OSBP2: variants seen among roughly 807,000 people sequenced by gnomAD.
OSBP2 encodes oxysterol binding protein 2.
OSBP2 carries 66 observed loss-of-function variants against 96.0 expected under a neutral mutation model. The ratio of observed to expected loss-of-function variants is 0.69; its 90% CI spans 0.56 to 0.84. The LOEUF (loss-of-function observed/expected upper bound fraction) is 0.84, where lower values mean the gene tolerates loss of function less well. Among genes scored for constraint, OSBP2 ranks in the 40% least tolerant of loss-of-function variants. The pLI, the probability that OSBP2 is intolerant of heterozygous loss-of-function variation, is 0.00. For synonymous variants in OSBP2, 525 were observed against 520.9 expected, an observed-to-expected ratio of 1.01 and a Z score of -0.11; for missense variants, 1,038 against 1,222.7, an observed-to-expected ratio of 0.85 and a Z score of 2.25.
At chr22:30,758,199 C>T (rs752766066) in intron 2 of OSBP2, among the ~76,000 whole-genome samples, 5 of 152,182 alleles carry the variant, frequency 3.3e-5, no homozygotes, top group South Asian at 2.1e-4. Context: ...GCCAGGAGTT[C>T]GAGACCGGCC....
intron 8 of OSBP2, 40 bp downstream of exon 8, chr22:30,891,013 A>T (rs769618573): frequency 8.9e-6 from 14 of 1,580,448 alleles, no homozygotes; most frequent in Non-Finnish European, 1.2e-5. Context: ...GCCCACCCAC[A>T]CTCTGGCCAA....
At chr22:30,808,635 G>A (rs768105850) in intron 2 of OSBP2, among the ~76,000 whole-genome samples, 2 of 152,166 alleles carry the variant, frequency 1.3e-5, no homozygotes, top group Admixed American at 6.5e-5. Flanking sequence ...AATCTAATAT[G>A]TCTGATGTCC....
intron 2 of OSBP2, among the ~76,000 whole-genome samples, chr22:30,861,944 C>T (rs553470095): frequency 3.9e-5 from 6 of 152,200 alleles, no homozygotes; most frequent in Admixed American, 6.5e-5. Context: ...ATCTTCCTCC[C>T]GTGCCACCTG....
intron 1 of OSBP2, among the ~76,000 whole-genome samples, chr22:30,730,809 A>ATATATATACT (rs1569100787): frequency 4.7e-5 from 1 of 21,268 alleles, no homozygotes; most frequent in African/African-American, 1.9e-4. Context: ...TATATATATA[A>ATATATATACT]TTTTTTTTTT....
At chr22:30,770,900 G>C (rs886713833) in intron 2 of OSBP2, among the ~76,000 whole-genome samples, 1 of 152,154 alleles carries the variant, frequency 6.6e-6, no homozygotes, top group Admixed American at 6.5e-5. Flanking sequence ...CTCAGAGCAG[G>C]TACCCTGCCC....
intron 2 of OSBP2, 21 bp downstream of exon 2, chr22:30,741,390 C>A: frequency 6.3e-7 from 1 of 1,580,210 alleles, no homozygotes; most frequent in Non-Finnish European, 8.6e-7. Flanking sequence ...CTTGGGACAG[C>A]GGGTGTGTAT....
chr22:30,828,421 G>C (rs919787571), intron 2 of OSBP2, among the ~76,000 whole-genome samples: 2 of 152,182 alleles, frequency 1.3e-5, no homozygotes, highest in African/African-American at 4.8e-5. Flanking sequence ...CTCTGACCCT[G>C]CACGCTGATC....
At chr22:30,759,819 A>C (rs1273605701) in intron 2 of OSBP2, among the ~76,000 whole-genome samples, 1 of 152,222 alleles carries the variant, frequency 6.6e-6, no homozygotes, top group East Asian at 1.9e-4. Flanking sequence ...CTCTTCCAGA[A>C]AACAGAAGAG....
chr22:30,728,663 A>G (rs971185351), intron 1 of OSBP2, among the ~76,000 whole-genome samples: 1 of 151,994 alleles, frequency 6.6e-6, no homozygotes, highest in African/African-American at 2.4e-5. Flanking sequence ...TGCCTGGCTA[A>G]CTTTTTCTTA....
At chr22:30,793,746 G>T (rs1396610650) in intron 2 of OSBP2, among the ~76,000 whole-genome samples, 1 of 152,162 alleles carries the variant, frequency 6.6e-6, no homozygotes, top group Admixed American at 6.5e-5. Context: ...TATAGTCCTA[G>T]TCATTTGGGA....
intron 1 of OSBP2, among the ~76,000 whole-genome samples, chr22:30,717,090 T>TTTTTTTTTTTTGTG (rs71328866): frequency 8.5e-6 from 1 of 118,320 alleles, no homozygotes; most frequent in Non-Finnish European, 1.8e-5. Flanking sequence ...TTTACTGTTT[T>TTTTTTTTTTTTGTG]TGTGTGTGTG....
intron 1 of OSBP2, among the ~76,000 whole-genome samples, chr22:30,730,814 T>TTTA (rs2089766665): frequency 3.6e-5 from 3 of 83,920 alleles, no homozygotes; most frequent in Admixed American, 1.4e-4. Context: ...ATATAATTTT[T>TTTA]TTTTTTTTTC....
chr22:30,827,917 T>C (rs1300653847), intron 2 of OSBP2, among the ~76,000 whole-genome samples: 2 of 152,144 alleles, frequency 1.3e-5, no homozygotes, highest in Non-Finnish European at 1.5e-5. Context: ...GAGAGATGAC[T>C]TTTTCAAGAT....
At position 30,887,505 on chromosome 22, in the gene OSBP2, G is replaced by A. The variant is rs201398227; in HGVS notation, c.1187G>A (p.Arg396His). 3.2e-5 allele frequency: 52 copies of A among 1,613,636 alleles called. No homozygotes were observed. Among genetic ancestry groups the A allele is most frequent in the South Asian group, 8.8e-5 (8 of 91,092 alleles). Reference protein sequence around the residue: ...QRALQYEQEQRVHLEETIEQL... With the variant: ...QRALQYEQEQHVHLEETIEQL... The stretch of plus-strand genomic sequence containing the variant: ...GCACTGCAGTATGAGCAGGAGCAGC[G>A]CGTGCACTTGGAGGAAACCATTGAG... Residue 396 changes from arginine (R) to histidine (H), a missense_variant, in exon 4 of 14, where the codon CGC becomes CAC. Coordinates refer to ENST00000332585, the MANE Select transcript of OSBP2 (RefSeq NM_030758.4).
intron 2 of OSBP2, among the ~76,000 whole-genome samples, chr22:30,865,124 TA>T (rs2039306628): frequency 6.6e-6 from 1 of 152,184 alleles, no homozygotes; most frequent in South Asian, 2.1e-4. Context: ...TCCCCTGCGC[TA>T]GATGATTCCA....
rs1443680600 is a variant in OSBP2, at chr22:30,887,534, C to G, written c.1216C>G (p.Leu406Val). The G allele has an allele frequency of 6.2e-7, 1 of 1,613,652 alleles. No individual in the cohort carries two copies. The highest frequency in any genetic ancestry group is 8.5e-7 in the Non-Finnish European group (1 of 1,180,028). The change falls in exon 4 of 14, where the codon CTG becomes GTG. Residue 406 changes from leucine (L) to valine (V), a missense_variant. By Grantham distance (32) the Leu-to-Val change is conservative. This residue lies in a region of OSBP2 where 737 missense variants were observed against 913.3 expected (regional missense o/e 0.81). Coordinates refer to ENST00000332585, the MANE Select transcript of OSBP2 (RefSeq NM_030758.4). ...GCACTTGGAGGAAACCATTGAGCAG[C>G]TGGCGAAGCAGCACAACAGCCTCGA... The part of the protein sequence containing the change: ...RVHLEETIEQ[L>V]AKQHNSLERA...
chr22:30,739,527 T>A (rs2089906108), intron 1 of OSBP2, among the ~76,000 whole-genome samples: 1 of 152,024 alleles, frequency 6.6e-6, no homozygotes, highest in Non-Finnish European at 1.5e-5. Flanking sequence ...CAGGCTGGAG[T>A]GTAGTGGCAC....
At chr22:30,866,379 G>A (rs776372684) in intron 2 of OSBP2, among the ~76,000 whole-genome samples, 8 of 152,198 alleles carry the variant, frequency 5.3e-5, no homozygotes, top group Non-Finnish European at 1.0e-4. Flanking sequence ...GGAGCCTCCA[G>A]AGTGAACGCA....
At chr22:30,740,982 G>T (rs1178498456) in intron 1 of OSBP2, among the ~76,000 whole-genome samples, 179 bp from the exon 2 acceptor site, 1 of 152,070 alleles carries the variant, frequency 6.6e-6, no homozygotes, top group Non-Finnish European at 1.5e-5. Context: ...TGGCCTTAGA[G>T]TCCCCCTCAA....
Sources: gnomAD v4.1 joint callset for allele counts (sites outside exome capture counted in the v4.1 genomes callset) on GRCh38, gnomAD v4.1.1 for gene constraint, gnomAD v4.1.1 regional missense constraint, MANE v1.5 for transcripts, NCBI Gene and HGNC (gene_info 2026-07-23, HGNC 2026-07-21) for gene names.